KLHL1: variants seen among roughly 807,000 people sequenced by gnomAD.
KLHL1 encodes the protein kelch like family member 1, also known as kelch-like protein 1.
A neutral mutation model predicts 77.7 loss-of-function variants in KLHL1; 47 were observed. The observed-to-expected ratio is 0.60, with a 90% CI of 0.48 to 0.77. The LOEUF (loss-of-function observed/expected upper bound fraction) is 0.77. KLHL1 is among the 30% of genes least tolerant of loss of function. KLHL1 has a pLI of 0.00. For synonymous variants in KLHL1, 360 were observed against 325.2 expected (o/e 1.11, Z -1.15); for missense variants, 925 against 910.8 (o/e 1.02, Z -0.20).
intron 1 of KLHL1, among the ~76,000 whole-genome samples, chr13:69,986,781 A>T (rs2137307025): frequency 6.6e-6 from 1 of 152,106 alleles, no homozygotes; most frequent in Non-Finnish European, 1.5e-5. Context: ...ACAGGAAATC[A>T]AAGGAAAAGA....
At chr13:69,891,908 TA>T (rs869170248) in intron 4 of KLHL1, among the ~76,000 whole-genome samples, 1 of 151,902 alleles carries the variant, frequency 6.6e-6, no homozygotes, top group Non-Finnish European at 1.5e-5. Flanking sequence ...TTTATTTTTT[TA>T]AAAAAATACT....
At chr13:69,877,941 A>T (rs1880828279) in intron 5 of KLHL1, among the ~76,000 whole-genome samples, 1 of 152,188 alleles carries the variant, frequency 6.6e-6, no homozygotes, top group South Asian at 2.1e-4. Flanking sequence ...CAAAGCCCAG[A>T]TACACATAAT....
At chr13:69,826,204 G>A (rs1878540657) in intron 6 of KLHL1, among the ~76,000 whole-genome samples, 1 of 152,158 alleles carries the variant, frequency 6.6e-6, no homozygotes, top group African/African-American at 2.4e-5. Context: ...GTTGGTCAAG[G>A]AACACAAAAT....
intron 6 of KLHL1, among the ~76,000 whole-genome samples, chr13:69,814,965 C>T (rs892324202): frequency 3.3e-5 from 5 of 151,876 alleles, no homozygotes; most frequent in East Asian, 1.9e-4. Context: ...GAGCCGAGAT[C>T]GCACCACTGC....
At chr13:70,013,919 A>G (rs1209859509) in intron 1 of KLHL1, among the ~76,000 whole-genome samples, 1 of 152,132 alleles carries the variant, frequency 6.6e-6, no homozygotes, top group Non-Finnish European at 1.5e-5. Context: ...TTATTTTATT[A>G]TACCTTAATG....
At chr13:69,771,619 T>C (rs2137983362) in intron 7 of KLHL1, among the ~76,000 whole-genome samples, 1 of 152,312 alleles carries the variant, frequency 6.6e-6, no homozygotes, top group South Asian at 2.1e-4. Flanking sequence ...GAAGTAGTTA[T>C]GAAAGTCTAA....
chr13:69,843,674 T>C (rs1879350297), intron 5 of KLHL1, among the ~76,000 whole-genome samples: 1 of 151,892 alleles, frequency 6.6e-6, no homozygotes, highest in South Asian at 2.1e-4. Flanking sequence ...TATAAGTAAT[T>C]TTAAAAATGA....
intron 1 of KLHL1, among the ~76,000 whole-genome samples, chr13:70,004,286 A>C (rs1413249848): frequency 1.3e-5 from 2 of 151,886 alleles, no homozygotes; most frequent in African/African-American, 4.8e-5. Flanking sequence ...TAGGACCTCA[A>C]ATAAATAAAG....
chr13:69,810,830 A>G (rs1566279728), intron 6 of KLHL1, among the ~76,000 whole-genome samples: 1 of 152,108 alleles, frequency 6.6e-6, no homozygotes, highest in Non-Finnish European at 1.5e-5. Flanking sequence ...AAGGCTCCTC[A>G]GAGAGTGCTA....
chr13:70,066,751 C>T (rs901513670), intron 1 of KLHL1, among the ~76,000 whole-genome samples: 1 of 152,188 alleles, frequency 6.6e-6, no homozygotes, highest in African/African-American at 2.4e-5. Flanking sequence ...ATTTGCCTAG[C>T]ACATCACAGC....
intron 9 of KLHL1, among the ~76,000 whole-genome samples, chr13:69,715,874 C>A (rs968211308): frequency 2.6e-5 from 4 of 152,096 alleles, no homozygotes; most frequent in Non-Finnish European, 5.9e-5. Context: ...TTTTGATACT[C>A]ATTTGTTAAT....
At chr13:69,941,196 T>C (rs1368879499) in intron 3 of KLHL1, among the ~76,000 whole-genome samples, 1 of 152,028 alleles carries the variant, frequency 6.6e-6, no homozygotes, top group Non-Finnish European at 1.5e-5. Context: ...TTCTCCAAGA[T>C]AGACCAGGAA....
At chr13:69,876,179 T>A (rs999696659) in intron 5 of KLHL1, among the ~76,000 whole-genome samples, 2 of 152,196 alleles carry the variant, frequency 1.3e-5, no homozygotes, top group Admixed American at 1.3e-4. Context: ...ATATAACGTA[T>A]AAATTTCTTG....
chr13:69,990,428 C>T (rs1050453078), intron 1 of KLHL1, among the ~76,000 whole-genome samples: 1 of 151,948 alleles, frequency 6.6e-6, no homozygotes, highest in East Asian at 1.9e-4. Flanking sequence ...AGAGACCCAT[C>T]TCATCTGCAA....
chr13:70,080,504 A>G (rs1312182703), intron 1 of KLHL1, among the ~76,000 whole-genome samples: 1 of 152,156 alleles, frequency 6.6e-6, no homozygotes, highest in Non-Finnish European at 1.5e-5. Context: ...TTAATTTTAT[A>G]AATATGCTGA....
At chr13:69,868,107 G>C (rs921282657) in intron 5 of KLHL1, among the ~76,000 whole-genome samples, 2 of 151,888 alleles carry the variant, frequency 1.3e-5, no homozygotes, top group Admixed American at 6.6e-5. Flanking sequence ...CTCTTTTCTT[G>C]ATTTTGATTA....
chr13:69,856,839 A>G (rs770173953), intron 5 of KLHL1, among the ~76,000 whole-genome samples: 9 of 152,030 alleles, frequency 5.9e-5, no homozygotes, highest in Admixed American at 1.3e-4. Context: ...TCATTTCAAG[A>G]TAAAATTTGG....
chr13:69,977,462 C>T (rs1884577193), intron 1 of KLHL1, among the ~76,000 whole-genome samples: 1 of 151,846 alleles, frequency 6.6e-6, no homozygotes, highest in South Asian at 2.1e-4. Flanking sequence ...AATACTCAAA[C>T]TAAGTTACTG....
chr13:69,797,477 C>T lies in KLHL1; in HGVS notation c.1415-515G>A, dbSNP rs192398636. On this transcript the variant is annotated intron_variant, in intron 6 of 10. Coordinates refer to ENST00000377844, the MANE Select transcript of KLHL1 (RefSeq NM_020866.3). ...AAAAGTCAATTGTAAGATATATAAG[C>T]AAATATTTGCTATGCTTTTTAAACC... Among the ~76,000 whole-genome samples, 4 of 152,124 alleles carry T rather than the reference C, an allele frequency of 2.6e-5. No individual in the cohort carries two copies. The South Asian group carries it at 6.2e-4, about 24-fold the overall frequency.
Sources: gnomAD v4.1 joint callset for allele counts (sites outside exome capture counted in the v4.1 genomes callset) on GRCh38, gnomAD v4.1.1 for gene constraint, MANE v1.5 for transcripts, NCBI Gene and HGNC (gene_info 2026-07-23, HGNC 2026-07-21) for gene names.